Variants in PLXDC2 observed in about 807,000 individuals in gnomAD.
PLXDC2 encodes the protein plexin domain containing 2.
Under a neutral mutation model 68.9 loss-of-function variants are expected in PLXDC2, and 40 were observed. The observed-to-expected ratio is 0.58, with a 90% CI of 0.45 to 0.76. The LOEUF is 0.76. Ranked by LOEUF, PLXDC2 falls within the 30% of genes least tolerant of loss-of-function variation. The probability of loss-of-function intolerance (pLI) is 0.00; values close to 1 mark genes in which losing one functional copy is unlikely to be tolerated. For synonymous variants in PLXDC2, 243 were observed against 234.2 expected (o/e 1.04, Z -0.34); for missense variants, 644 against 661.9 (o/e 0.97, Z 0.30).
At chr10:20,086,764 G>A (rs1443788266) in intron 4 of PLXDC2, among the ~76,000 whole-genome samples, 1 of 152,130 alleles carries the variant, frequency 6.6e-6, no homozygotes. Flanking sequence ...CATTCTTGAA[G>A]TGAACATTTG....
intron 13 of PLXDC2, among the ~76,000 whole-genome samples, chr10:20,271,142 C>CAT (rs752608648): frequency 1.3e-4 from 20 of 150,932 alleles, no homozygotes; most frequent in Non-Finnish European, 7.4e-5. Context: ...GACACACACA[C>CAT]ACACACACAC....
At chr10:20,273,081 G>A (rs1398199342) in intron 13 of PLXDC2, among the ~76,000 whole-genome samples, 2 of 152,172 alleles carry the variant, frequency 1.3e-5, no homozygotes, top group Non-Finnish European at 2.9e-5. Flanking sequence ...AAGAATGATA[G>A]CATTGTGGTT....
chr10:20,006,947 C>G (rs560100918), intron 2 of PLXDC2, among the ~76,000 whole-genome samples: 1 of 152,196 alleles, frequency 6.6e-6, no homozygotes, highest in Non-Finnish European at 1.5e-5. Flanking sequence ...TTCATTCATA[C>G]GGACGTATAA....
intron 4 of PLXDC2, among the ~76,000 whole-genome samples, chr10:20,128,388 C>T (rs961146666): frequency 1.3e-5 from 2 of 151,990 alleles, no homozygotes; most frequent in Non-Finnish European, 2.9e-5. Flanking sequence ...TTGGCAAATG[C>T]AATTTGTATA....
intron 1 of PLXDC2, among the ~76,000 whole-genome samples, chr10:19,885,961 T>G (rs549570746): frequency 1.3e-5 from 2 of 151,808 alleles, no homozygotes; most frequent in Non-Finnish European, 2.9e-5. Flanking sequence ...GCCATTTTCA[T>G]GATATTGATT....
intron 1 of PLXDC2, among the ~76,000 whole-genome samples, chr10:19,929,928 T>C (rs1467763796): frequency 1.3e-5 from 2 of 152,186 alleles, no homozygotes; most frequent in African/African-American, 4.8e-5. Flanking sequence ...TGGTGCTAAG[T>C]TTCCTTGGTC....
At chr10:20,007,902 G>A (rs1835052017) in intron 2 of PLXDC2, among the ~76,000 whole-genome samples, 2 of 152,200 alleles carry the variant, frequency 1.3e-5, no homozygotes, top group South Asian at 4.1e-4. Flanking sequence ...AATTAAAAAT[G>A]TCAGTTGTAT....
At chr10:19,966,447 ACATGTGTG>A (rs1834264193) in intron 1 of PLXDC2, among the ~76,000 whole-genome samples, 2 of 22,614 alleles carry the variant, frequency 8.8e-5, no homozygotes, top group South Asian at 1.5e-3. Flanking sequence ...TATATATAAA[ACATGTGTG>A]TATATGTACA....
rs35139476 is a variant in PLXDC2 at position 20,068,216 on chromosome 10, G to A, written c.518G>A (p.Arg173His). 1.3e-3 allele frequency: 2,172 copies of A among 1,612,704 alleles called. 4 individuals are homozygous for A. Among genetic ancestry groups the A allele is most frequent in the Non-Finnish European group, 1.7e-3 (2,015 of 1,179,332 alleles). ...TTTCCATTTTATGGCCACTTCCTAC[G>A]TGAAATCACTGTGGCAACCGGGGGT... ...FDFPFYGHFL[R>H]EITVATGGFI... Residue 173 changes from arginine to histidine, a missense_variant, in exon 4 of 14, where the codon CGT (arginine) becomes CAT (histidine). This residue lies in a region of PLXDC2 where 113 missense variants were observed against 167.1 expected (regional missense o/e 0.68). Transcript: ENST00000377252.
At chr10:20,256,211 C>A (rs1266381838) in intron 13 of PLXDC2, among the ~76,000 whole-genome samples, 1 of 151,928 alleles carries the variant, frequency 6.6e-6, no homozygotes, top group Non-Finnish European at 1.5e-5. Context: ...CAGCTCACTG[C>A]AACCTCTGCC....
intron 1 of PLXDC2, among the ~76,000 whole-genome samples, chr10:19,885,970 T>G (rs1408023482): frequency 6.6e-5 from 10 of 152,184 alleles, no homozygotes; most frequent in Non-Finnish European, 1.5e-5. Context: ...ATGATATTGA[T>G]TCTTCCTACC....
chr10:20,149,126 T>C (rs555668478), intron 6 of PLXDC2, among the ~76,000 whole-genome samples: 1 of 152,034 alleles, frequency 6.6e-6, no homozygotes, highest in Admixed American at 6.5e-5. Flanking sequence ...GTGTCTTATA[T>C]AGGGAAACAC....
intron 1 of PLXDC2, among the ~76,000 whole-genome samples, chr10:19,910,257 A>G (rs1007044703): frequency 1.3e-5 from 2 of 151,568 alleles, no homozygotes; most frequent in Admixed American, 6.6e-5. Context: ...TTAAATGTTC[A>G]TTGTCCAGGG....
chr10:20,047,501 T>G (rs1002511591), intron 3 of PLXDC2, among the ~76,000 whole-genome samples: 2 of 152,092 alleles, frequency 1.3e-5, no homozygotes, highest in African/African-American at 2.4e-5. Context: ...ACGTTTAATA[T>G]AAAGAAAAAT....
chr10:20,231,890 G>T (rs565870547), intron 12 of PLXDC2, among the ~76,000 whole-genome samples: 1 of 151,770 alleles, frequency 6.6e-6, no homozygotes, highest in Non-Finnish European at 1.5e-5. Context: ...AATGGCATAC[G>T]CCTGTAGTCC....
chr10:19,857,363 A>T (rs1837233878), intron 1 of PLXDC2, among the ~76,000 whole-genome samples: 1 of 152,244 alleles, frequency 6.6e-6, no homozygotes, highest in African/African-American at 2.4e-5. Flanking sequence ...AAGCTGTATT[A>T]ATATTAAAAT....
In PLXDC2 at chr10:19,898,243, T is replaced by C. The variant is rs556217612; in HGVS notation, c.112+81052T>C. On this transcript the variant is annotated intron_variant, in intron 1 of 13. Transcript: ENST00000377252. Reference sequence around the variant, plus strand: ...TTCAGGTGGCACATGTGCAGGCTTGTTACTAGAGTATATTGTGTGATGTTA... The same window carrying C: ...TTCAGGTGGCACATGTGCAGGCTTGCTACTAGAGTATATTGTGTGATGTTA... Among the ~76,000 whole-genome samples the C allele has an allele frequency of 5.3e-5, 8 of 152,334 alleles. No homozygotes were observed. In the East Asian group the frequency reaches 1.5e-3, roughly 29 times the overall value.
chr10:20,150,083 C>A (rs1427506497), intron 6 of PLXDC2, among the ~76,000 whole-genome samples: 1 of 152,116 alleles, frequency 6.6e-6, no homozygotes, highest in Non-Finnish European at 1.5e-5. Context: ...ATAGATGAAC[C>A]TACATTGACA....
At chr10:20,271,821 C>T (rs1468762220) in intron 13 of PLXDC2, among the ~76,000 whole-genome samples, 1 of 152,054 alleles carries the variant, frequency 6.6e-6, no homozygotes, top group African/African-American at 2.4e-5. Context: ...GTAGCAGCTT[C>T]GAGGTGAGGT....
Sources: allele counts gnomAD v4.1 joint callset (sites outside exome capture counted in the v4.1 genomes callset), GRCh38; gene constraint gnomAD v4.1.1; regional missense constraint gnomAD v4.1.1; transcripts MANE v1.5; gene names NCBI Gene and HGNC (gene_info 2026-07-23, HGNC 2026-07-21).